SCEL: variants seen among roughly 807,000 people sequenced by gnomAD.
SCEL encodes sciellin.
Under a neutral mutation model 117.6 loss-of-function variants are expected in SCEL, and 113 were observed. The observed-to-expected ratio is 0.96, with a 90% CI of 0.83 to 1.12. The LOEUF is 1.12. Ranked by LOEUF, SCEL falls within the 50% of genes most tolerant of loss-of-function variation. The pLI, the probability that SCEL is intolerant of heterozygous loss-of-function variation, is 0.00. For synonymous variants in SCEL, 270 were observed against 256.2 expected, an observed-to-expected ratio of 1.05 and a Z score of -0.51; for missense variants, 785 against 810.8, an observed-to-expected ratio of 0.97 and a Z score of 0.39.
chr13:77,621,200 G>A (rs746716363), intron 27 of SCEL, among the ~76,000 whole-genome samples: 1 of 152,098 alleles, frequency 6.6e-6, no homozygotes, highest in African/African-American at 2.4e-5. Context: ...ATCTGATCAT[G>A]TCATTCTGAT....
At chr13:77,571,557 T>C (rs1268078551) in intron 8 of SCEL, among the ~76,000 whole-genome samples, 2 of 151,036 alleles carry the variant, frequency 1.3e-5, no homozygotes, top group Admixed American at 1.3e-4. Context: ...GGCGTGGTGG[T>C]GCATGCCTGT....
At position 77,628,912 on chromosome 13, in the gene SCEL, G is replaced by A. The variant is rs1037878777; in HGVS notation, c.1691+903G>A. Among the ~76,000 whole-genome samples, 7 of 152,074 alleles carry A rather than the reference G, an allele frequency of 4.6e-5. No homozygotes were observed. In the East Asian group the frequency reaches 1.3e-3, roughly 29 times the overall value. On this transcript the variant is annotated intron_variant, in intron 28 of 32. Transcript: ENST00000349847. ...TGAGAAAGTCTTTGAGAGAATGAGG[G>A]AGGATAAATTTTCAGTAGAATCTGC... is the stretch of plus-strand genomic sequence containing the variant.
At chr13:77,556,499 G>A in intron 2 of SCEL, 97 bp from the exon 3 acceptor site, 4 of 956,108 alleles carry the variant, frequency 4.2e-6, no homozygotes, top group Non-Finnish European at 6.7e-6. Flanking sequence ...GATTGATGCT[G>A]GCCAATCAGA....
rs2086726556 is a variant in SCEL, at chr13:77,589,149, C to G, written c.551C>G (p.Pro184Arg). ...SSSTGTRRRE[P>R]GVHPPIPPKP... is the part of the protein sequence containing the mutation. ...TGCTGTTTTCTGTTTTAAAGGGAACCAGGTGTTCACCCTCCAATACCTCCA... is the reference window on the plus strand; with the variant it reads ...TGCTGTTTTCTGTTTTAAAGGGAACGAGGTGTTCACCCTCCAATACCTCCA... The change falls in exon 10 of 33, where the codon CCA becomes CGA. Residue 184 changes from proline to arginine, a missense_variant. Transcript: ENST00000349847. 6.2e-7 allele frequency: 1 copy of G among 1,611,692 alleles called. No individual in the cohort carries two copies. Among genetic ancestry groups the G allele is most frequent in the Non-Finnish European group, 8.5e-7 (1 of 1,178,146 alleles).
At chr13:77,545,333 G>A (rs2083929137) in intron 1 of SCEL, among the ~76,000 whole-genome samples, 2 of 152,206 alleles carry the variant, frequency 1.3e-5, no homozygotes, top group Non-Finnish European at 2.9e-5. Flanking sequence ...TAGATTTGAA[G>A]CTCAGGATAA....
intron 12 of SCEL, among the ~76,000 whole-genome samples, 160 bp downstream of exon 12, chr13:77,593,733 C>T (rs1023529990): frequency 6.6e-6 from 1 of 152,082 alleles, no homozygotes; most frequent in Non-Finnish European, 1.5e-5. Context: ...ATAAGTATTC[C>T]TGAATAGTGG....
chr13:77,556,178 G>T lies in SCEL; in HGVS notation c.43+260G>T, dbSNP rs1197607470. ...TGTGTTTGGCTCTTACAGGATAAAAGAATTAAGTTACTTAGAATCAAATGA... is the reference window on the plus strand; with the variant it reads ...TGTGTTTGGCTCTTACAGGATAAAATAATTAAGTTACTTAGAATCAAATGA... On this transcript the variant is annotated intron_variant, in intron 2 of 32. Transcript: ENST00000349847. 2.0e-5 allele frequency among the ~76,000 whole-genome samples: 3 copies of T among 152,126 alleles called. No homozygotes were observed. The South Asian group carries it at 6.2e-4, about 31-fold the overall frequency.
intron 8 of SCEL, among the ~76,000 whole-genome samples, chr13:77,570,440 C>T (rs185918954): frequency 1.8e-4 from 27 of 152,216 alleles, no homozygotes; most frequent in Middle Eastern, 3.4e-3. Context: ...GGGCATAATT[C>T]GGGACCACTG....
intron 1 of SCEL, among the ~76,000 whole-genome samples, chr13:77,539,563 A>G (rs1007138276): frequency 1.3e-5 from 2 of 151,478 alleles, no homozygotes; most frequent in African/African-American, 4.9e-5. Flanking sequence ...TTTGAGACAG[A>G]GTCTCGCTCT....
intron 1 of SCEL, among the ~76,000 whole-genome samples, chr13:77,544,880 A>C (rs1169146008): frequency 1.3e-5 from 2 of 152,154 alleles, no homozygotes; most frequent in Non-Finnish European, 2.9e-5. Flanking sequence ...CTAAAGACAA[A>C]TGTCCTTGGG....
Position 77,644,938 on chromosome 13 carries a change from A to G in SCEL, c.*664A>G, listed in dbSNP as rs1044754172. 2.6e-5 allele frequency: 4 copies of G among 152,242 alleles called. No homozygotes were observed. The highest frequency in any genetic ancestry group is 5.9e-5 in the Non-Finnish European group (4 of 68,046). The allele number at this position is 152,242 out of a possible 1,614,324, so 9.4% of individuals were successfully genotyped here. On this transcript the variant is annotated 3_prime_UTR_variant, in exon 33 of 33. Transcript: ENST00000349847. ...AAACATATATGCATACATGTTTGTT[A>G]AGCCTATTGAACTAGGTAGGACATA...
chr13:77,586,126 G>C (rs1215835020), intron 9 of SCEL, among the ~76,000 whole-genome samples: 1 of 152,146 alleles, frequency 6.6e-6, no homozygotes, highest in South Asian at 2.1e-4. Flanking sequence ...GAAGACTTCA[G>C]CACCACGCTC....
Position 77,572,139 on chromosome 13 carries a change from A to G in SCEL, c.495A>G (p.Pro165=). The change falls in exon 9 of 33, where the codon CCA becomes CCG. Residue 165 remains proline, a synonymous_variant. Transcript: ENST00000349847. The stretch of plus-strand genomic sequence containing the variant: ...TTCTTAACAGGCAGTCCTGGTTTCC[A>G]CCGCCCCCTCCAGGTTACAATGCCT... ...PVKKKRQSWF[P]PPPPGYNASS... The G allele has an allele frequency of 1.2e-6, 2 of 1,612,946 alleles. No individual in the cohort carries two copies. The highest frequency in any genetic ancestry group is 1.1e-5 in the South Asian group (1 of 90,972).
intron 1 of SCEL, among the ~76,000 whole-genome samples, chr13:77,554,701 C>T (rs1190437328): frequency 6.6e-6 from 1 of 152,150 alleles, no homozygotes. Flanking sequence ...AAGTAGATGG[C>T]AGGTTTCAAT....
intron 5 of SCEL, among the ~76,000 whole-genome samples, chr13:77,565,970 C>A (rs1289383586): frequency 1.3e-5 from 2 of 152,242 alleles, no homozygotes; most frequent in East Asian, 3.9e-4. Flanking sequence ...TTAAAACAAC[C>A]TATTTTATAT....
At position 77,563,225 on chromosome 13, in the gene SCEL, C is replaced by T. The variant is rs187192698; in HGVS notation, c.222-606C>T. ...TTCTCTCTTCCTCTTTTCCTTCTAT[C>T]CTTCCTTTCTCTCACTTCCCACTTT... On this transcript the variant is annotated intron_variant, in intron 4 of 32. Transcript: ENST00000349847. Among the ~76,000 whole-genome samples the T allele has an allele frequency of 2.0e-5, 3 of 151,348 alleles. No individual in the cohort carries two copies. The East Asian group carries it at 6.0e-4, about 30-fold the overall frequency.
rs1377417338 is a variant in SCEL at position 77,556,713 on chromosome 13, AG to A, written c.161+1del. On this transcript the variant is annotated splice_donor_variant, in intron 3 of 32. Transcript: ENST00000349847. LOFTEE classifies it high-confidence loss of function. ...ATAAAGAAACGCCCTGAAGAAGAAA[AG>A]TAAGCTGGTGTGGAGCGTGGTGGGT... The A allele has an allele frequency of 6.2e-7, 1 of 1,607,192 alleles. No individual in the cohort carries two copies. The highest frequency in any genetic ancestry group is 8.5e-7 in the Non-Finnish European group (1 of 1,173,866).
intron 1 of SCEL, among the ~76,000 whole-genome samples, chr13:77,541,288 T>G (rs2083688083): frequency 6.6e-6 from 1 of 152,130 alleles, no homozygotes; most frequent in African/African-American, 2.4e-5. Context: ...TAAAACAAAA[T>G]GATTCTACTT....
intron 27 of SCEL, among the ~76,000 whole-genome samples, chr13:77,623,868 G>C (rs1415925526): frequency 6.6e-6 from 1 of 152,192 alleles, no homozygotes; most frequent in Non-Finnish European, 1.5e-5. Flanking sequence ...ATGTAATCAC[G>C]TTGTGAGGGT....
Sources: allele counts gnomAD v4.1 joint callset (sites outside exome capture counted in the v4.1 genomes callset), GRCh38; gene constraint gnomAD v4.1.1; transcripts MANE v1.5; gene names NCBI Gene and HGNC (gene_info 2026-07-23, HGNC 2026-07-21).